Variants in ATRN observed in about 807,000 individuals in gnomAD.
The protein encoded by ATRN is attractin.
In ATRN, 54 loss-of-function variants were observed where a neutral mutation model predicts 178.7. The observed-to-expected ratio is 0.30, with a 90% CI of 0.24 to 0.38. The LOEUF is 0.38. ATRN is among the 10% of genes least tolerant of loss of function. The probability of loss-of-function intolerance (pLI) is 1.00; values close to 1 mark genes in which losing one functional copy is unlikely to be tolerated. For missense variants in ATRN, 1,443 were observed against 1,815.1 expected, an observed-to-expected ratio of 0.79 and a Z score of 3.73; for synonymous variants, 636 against 663.0, an observed-to-expected ratio of 0.96 and a Z score of 0.63.
chr20:3,545,104 C>G (rs538827605), intron 3 of ATRN, among the ~76,000 whole-genome samples: 2 of 152,070 alleles, frequency 1.3e-5, no homozygotes, highest in Admixed American at 6.5e-5. Flanking sequence ...CAATGGCTCA[C>G]GCCTGTAGTC....
At chr20:3,496,503 C>T (rs1425652905) in intron 1 of ATRN, among the ~76,000 whole-genome samples, 1 of 152,122 alleles carries the variant, frequency 6.6e-6, no homozygotes, top group Non-Finnish European at 1.5e-5. Flanking sequence ...TTTGATTGCA[C>T]TGTGGTCTGA....
At chr20:3,622,581 A>G (rs2086905033) in intron 24 of ATRN, among the ~76,000 whole-genome samples, 1 of 152,242 alleles carries the variant, frequency 6.6e-6, no homozygotes, top group Non-Finnish European at 1.5e-5. Flanking sequence ...TAAGTTTGTC[A>G]TCTTGTCAGT....
chr20:3,518,914 A>G lies in ATRN; in HGVS notation c.411-16339A>G, dbSNP rs1354394301. Among the ~76,000 whole-genome samples, 6 of 151,432 alleles carry G rather than the reference A, an allele frequency of 4.0e-5. No homozygotes were observed. In the South Asian group the frequency reaches 1.2e-3, roughly 31 times the overall value. ...TAGCATTTTGTTGTGGAGATGGATC[A>G]TAATATATTTAACCAGTTCCTGTTG... On this transcript the variant is annotated intron_variant, in intron 1 of 28. Transcript: ENST00000262919.
At chr20:3,595,615 T>G (rs964087665) in intron 20 of ATRN, among the ~76,000 whole-genome samples, 2 of 152,218 alleles carry the variant, frequency 1.3e-5, no homozygotes, top group Admixed American at 6.5e-5. Context: ...AATTAATCAC[T>G]CTTACCCTCA....
chr20:3,631,647 C>G (rs182101310), intron 25 of ATRN, among the ~76,000 whole-genome samples: 1 of 152,028 alleles, frequency 6.6e-6, no homozygotes, highest in African/African-American at 2.4e-5. Flanking sequence ...ACAGAAGGGC[C>G]CTCTCACCTT....
At chr20:3,584,184 A>C in intron 17 of ATRN, 101 bp downstream of exon 17, 1 of 1,281,530 alleles carries the variant, frequency 7.8e-7, no homozygotes, top group South Asian at 1.4e-5. Flanking sequence ...TTTTAGAAAC[A>C]AGACTGGACA....
intron 11 of ATRN, among the ~76,000 whole-genome samples, chr20:3,568,256 C>T (rs999490917): frequency 1.3e-5 from 2 of 150,878 alleles, no homozygotes; most frequent in African/African-American, 2.4e-5. Context: ...CGCGCCACTG[C>T]ACTCCAGCCT....
chr20:3,648,203 C>G lies in ATRN; in HGVS notation c.*1356C>G, dbSNP rs1163362512. 1.5e-5 allele frequency: 2 copies of G among 133,012 alleles called. No homozygotes were observed. The highest frequency in any genetic ancestry group is 5.7e-5 in the African/African-American group (2 of 35,252). 8.2% of individuals were successfully genotyped at this position (133,012 alleles called of 1,614,324 possible). On this transcript the variant is annotated 3_prime_UTR_variant, in exon 29 of 29. Transcript: ENST00000262919. ...CGACCCACCCACCCTCCCTCTCAGA[C>G]CAAGGTGGTGGCTGTGAGGAGGGCA...
chr20:3,575,905 A>G lies in ATRN; in HGVS notation c.2171A>G (p.Asn724Ser). The G allele has an allele frequency of 6.2e-7, 1 of 1,614,166 alleles. No individual in the cohort carries two copies. The highest frequency in any genetic ancestry group is 2.2e-5 in the East Asian group (1 of 44,886). The stretch of plus-strand genomic sequence containing the variant: ...AACACCAATGACTGCCACTGGTGCA[A>G]TGACCATTGTGTCCCCAGGAACCAC... Reference protein sequence around the residue: ...TANTNDCHWCNDHCVPRNHSC... With the variant: ...TANTNDCHWCSDHCVPRNHSC... Residue 724 changes from asparagine (N) to serine (S), a missense_variant, in exon 13 of 29, where the codon AAT (asparagine) becomes AGT (serine). By Grantham distance (46) the Asn-to-Ser change is conservative. Around this residue, in one of 4 missense-constraint regions of ATRN, gnomAD observed 862 missense variants for 972.1 expected, o/e 0.89. Transcript: ENST00000262919.
rs2084415115 is a variant in ATRN at position 3,471,254 on chromosome 20, C to G, written c.147C>G (p.Leu49=). ...CGGGGCTGGGGGCCGGGCTGCGCCT[C>G]CCGCGGCTGCTGTCTCCACCGCTGC... The part of the protein sequence containing the change: ...GRPGLGAGLR[L]PRLLSPPLRP... Residue 49 remains leucine, a synonymous_variant, in exon 1 of 29, where the codon CTC becomes CTG. Coordinates refer to ENST00000262919, the MANE Select transcript of ATRN (RefSeq NM_139321.3). The G allele has an allele frequency of 4.2e-6, 6 of 1,444,640 alleles. No homozygotes were observed. The highest frequency in any genetic ancestry group is 2.8e-5 in the Admixed American group (1 of 36,014). 89.5% of individuals were successfully genotyped at this position (1,444,640 alleles called of 1,614,324 possible). A position where few individuals can be genotyped will look rare whatever the true frequency, so the allele number is the denominator to read the frequency against.
rs371614245 is a variant in ATRN at position 3,576,099 on chromosome 20, A to G, written c.2214+151A>G. On this transcript the variant is annotated intron_variant, in intron 13 of 28. Transcript: ENST00000262919. ...TTATCCCTGAGGTTTTCCTTTAGGAAGAGATGTTCTGTATATTTCAAGGGT... is the reference window on the plus strand; with the variant it reads ...TTATCCCTGAGGTTTTCCTTTAGGAGGAGATGTTCTGTATATTTCAAGGGT... 42 of 987,458 alleles carry G rather than the reference A, an allele frequency of 4.3e-5. No homozygotes were observed. In the African/African-American group the frequency reaches 6.1e-4, roughly 14 times the overall value. 61.2% of individuals were successfully genotyped at this position (987,458 alleles called of 1,614,324 possible).
intron 1 of ATRN, among the ~76,000 whole-genome samples, chr20:3,515,263 A>G (rs1008658437): frequency 2.4e-4 from 34 of 138,904 alleles, no homozygotes; most frequent in African/African-American, 6.6e-4. Context: ...GAATGGTGTT[A>G]CCATTCTAGA....
At chr20:3,507,791 TCTC>T (rs1335368123) in intron 1 of ATRN, among the ~76,000 whole-genome samples, 2 of 151,072 alleles carry the variant, frequency 1.3e-5, no homozygotes, top group East Asian at 3.9e-4. Context: ...TTCAAGCAAT[TCTC>T]CTGCCTCAGC....
chr20:3,565,070 T>A (rs2086012900), intron 10 of ATRN, among the ~76,000 whole-genome samples: 1 of 152,064 alleles, frequency 6.6e-6, no homozygotes, highest in Admixed American at 6.6e-5. Flanking sequence ...GTCTCAATTC[T>A]AGTGCATCAA....
At chr20:3,622,515 T>C (rs2086904381) in intron 24 of ATRN, among the ~76,000 whole-genome samples, 1 of 152,220 alleles carries the variant, frequency 6.6e-6, no homozygotes, top group Non-Finnish European at 1.5e-5. Context: ...TTTAATTACC[T>C]CGTGTAATTT....
chr20:3,494,954 T>C lies in ATRN; in HGVS notation c.410+23437T>C, dbSNP rs528055039. Among the ~76,000 whole-genome samples the C allele has an allele frequency of 3.3e-5, 5 of 152,314 alleles. No individual in the cohort carries two copies. The South Asian group carries it at 1.0e-3, about 32-fold the overall frequency. On this transcript the variant is annotated intron_variant, in intron 1 of 28. Transcript: ENST00000262919. ...TGTTTAAAAATATGAGGGAGCCATA[T>C]TATGGTTGTTTTAATTATCCTTGTG...
chr20:3,493,620 A>G (rs958416901), intron 1 of ATRN, among the ~76,000 whole-genome samples: 1 of 152,124 alleles, frequency 6.6e-6, no homozygotes, highest in African/African-American at 2.4e-5. Context: ...AAAAACATGA[A>G]CAACCTGTAT....
chr20:3,562,167 T>C (rs1489233412), intron 8 of ATRN, 109 bp from the exon 9 acceptor site: 3 of 872,904 alleles, frequency 3.4e-6, no homozygotes, highest in African/African-American at 1.7e-5. Flanking sequence ...AAAAAGTATA[T>C]GTATCAGGTC....
intron 1 of ATRN, among the ~76,000 whole-genome samples, chr20:3,504,688 G>GATGATA (rs1036307868): frequency 2.2e-5 from 3 of 135,936 alleles, no homozygotes; most frequent in African/African-American, 8.2e-5. Context: ...TCTGTCTTAA[G>GATGATA]ATAATAATAA....
Sources: gnomAD v4.1 joint callset for allele counts (sites outside exome capture counted in the v4.1 genomes callset) on GRCh38, gnomAD v4.1.1 for gene constraint, gnomAD v4.1.1 regional missense constraint, MANE v1.5 for transcripts, NCBI Gene and HGNC (gene_info 2026-07-23, HGNC 2026-07-21) for gene names.